Variants in CLMP observed in about 807,000 individuals in gnomAD.
The protein encoded by CLMP is CXADR-like membrane protein.
Under a neutral mutation model 45.2 loss-of-function variants are expected in CLMP, and 27 were observed. That is an observed-to-expected ratio of 0.60 (90% CI 0.44 to 0.82). The LOEUF (loss-of-function observed/expected upper bound fraction) is 0.82, where lower values mean the gene tolerates loss of function less well. CLMP is among the 40% of genes least tolerant of loss of function. The pLI is 0.00. For synonymous variants in CLMP, 167 were observed against 171.4 expected (o/e 0.97, Z 0.20); for missense variants, 403 against 448.4 (o/e 0.90, Z 0.91).
chr11:123,183,965 C>T (rs1861801410), intron 1 of CLMP, among the ~76,000 whole-genome samples: 1 of 152,044 alleles, frequency 6.6e-6, no homozygotes, highest in Non-Finnish European at 1.5e-5. Flanking sequence ...GTGGTAACAC[C>T]AGAAAAATTT....
chr11:123,172,793 A>AT (rs1253722260), intron 1 of CLMP, among the ~76,000 whole-genome samples: 1 of 152,144 alleles, frequency 6.6e-6, no homozygotes, highest in Non-Finnish European at 1.5e-5. Context: ...GCCAATAAAC[A>AT]TTTTTTTACA....
chr11:123,106,418 TGTGTGTGCGCGCGCGC>T (rs1177051192), intron 1 of CLMP, among the ~76,000 whole-genome samples: 84 of 103,370 alleles, frequency 8.1e-4, no homozygotes, highest in African/African-American at 2.2e-3. Context: ...TGTGTGTGTG[TGTGTGTGCGCGCGCGC>T]GCGCGCACGT....
At chr11:123,170,549 C>T (rs1861618006) in intron 1 of CLMP, among the ~76,000 whole-genome samples, 1 of 151,520 alleles carries the variant, frequency 6.6e-6, no homozygotes, top group African/African-American at 2.4e-5. Flanking sequence ...AAGTGATTCT[C>T]CTGCCTCTGC....
At chr11:123,169,697 C>T (rs1052707495) in intron 1 of CLMP, among the ~76,000 whole-genome samples, 12 of 152,212 alleles carry the variant, frequency 7.9e-5, no homozygotes, top group Non-Finnish European at 1.3e-4. Flanking sequence ...CATAACACAG[C>T]TCTCAGGAGA....
At chr11:123,127,130 T>C (rs1860907131) in intron 1 of CLMP, among the ~76,000 whole-genome samples, 1 of 152,142 alleles carries the variant, frequency 6.6e-6, no homozygotes, top group East Asian at 1.9e-4. Context: ...CTTTTCTTTC[T>C]TGTTTTTTTG....
chr11:123,178,400 TC>T (rs1861727232), intron 1 of CLMP, among the ~76,000 whole-genome samples: 1 of 152,192 alleles, frequency 6.6e-6, no homozygotes, highest in Admixed American at 6.5e-5. Flanking sequence ...TTGCCTTCAT[TC>T]CATTCCTTCA....
chr11:123,089,649 C>A (rs1251942244), intron 2 of CLMP, among the ~76,000 whole-genome samples: 1 of 150,644 alleles, frequency 6.6e-6, no homozygotes, highest in Admixed American at 6.6e-5. Context: ...TGGTGGCGGG[C>A]GCCCGTAGTT....
chr11:123,086,402 G>C (rs1865865694), intron 2 of CLMP, among the ~76,000 whole-genome samples: 1 of 152,188 alleles, frequency 6.6e-6, no homozygotes, highest in African/African-American at 2.4e-5. Context: ...CTACACAGAA[G>C]GGCACTAAAA....
intron 1 of CLMP, among the ~76,000 whole-genome samples, chr11:123,106,217 G>A (rs777106551): frequency 5.3e-5 from 8 of 151,818 alleles, no homozygotes; most frequent in African/African-American, 1.7e-4. Context: ...TCTTCTTCCA[G>A]TGTGGCTCAG....
At chr11:123,095,796 G>A (rs1865981355) in intron 2 of CLMP, among the ~76,000 whole-genome samples, 1 of 152,082 alleles carries the variant, frequency 6.6e-6, no homozygotes, top group South Asian at 2.1e-4. Context: ...GGCAGGATAG[G>A]GTAATAAGAT....
At chr11:123,173,456 G>A (rs1176634691) in intron 1 of CLMP, among the ~76,000 whole-genome samples, 1 of 152,224 alleles carries the variant, frequency 6.6e-6, no homozygotes, top group African/African-American at 2.4e-5. Flanking sequence ...ATACATGCCA[G>A]ATGGAAGTCT....
At chr11:123,162,398 A>G (rs1015158260) in intron 1 of CLMP, among the ~76,000 whole-genome samples, 1 of 152,224 alleles carries the variant, frequency 6.6e-6, no homozygotes, top group African/African-American at 2.4e-5. Context: ...ATGTTAAAAC[A>G]CATCCAAAAC....
chr11:123,075,770 AT>A (rs1455474872), intron 5 of CLMP, among the ~76,000 whole-genome samples: 2 of 152,038 alleles, frequency 1.3e-5, no homozygotes, highest in Non-Finnish European at 2.9e-5. Context: ...ATGTCTGAAG[AT>A]TTGTCTGCCT....
intron 1 of CLMP, among the ~76,000 whole-genome samples, chr11:123,145,454 T>G: frequency 2.8e-5 from 2 of 72,208 alleles, no homozygotes; most frequent in Non-Finnish European, 2.8e-5. Context: ...CTGCGGCTGT[T>G]TTTTTTTTTT....
At chr11:123,166,791 T>C (rs1861563367) in intron 1 of CLMP, among the ~76,000 whole-genome samples, 1 of 152,210 alleles carries the variant, frequency 6.6e-6, no homozygotes, top group Non-Finnish European at 1.5e-5. Flanking sequence ...TTGAATGTTC[T>C]CACCACAAGG....
intron 5 of CLMP, among the ~76,000 whole-genome samples, chr11:123,076,280 A>G (rs1865739521): frequency 6.6e-6 from 1 of 152,220 alleles, no homozygotes; most frequent in African/African-American, 2.4e-5. Flanking sequence ...GGTAAATACA[A>G]TTTGTAGTTT....
At chr11:123,091,917 A>G (rs1865936012) in intron 2 of CLMP, among the ~76,000 whole-genome samples, 1 of 152,160 alleles carries the variant, frequency 6.6e-6, no homozygotes, top group African/African-American at 2.4e-5. Flanking sequence ...AGTCTGGACC[A>G]TGCCTCATTT....
intron 1 of CLMP, among the ~76,000 whole-genome samples, chr11:123,153,727 G>C (rs1861372867): frequency 6.6e-6 from 1 of 152,034 alleles, no homozygotes; most frequent in Non-Finnish European, 1.5e-5. Context: ...TTGTCCCCCA[G>C]GCTGGAGTGC....
chr11:123,145,043 A>G (rs906258673), intron 1 of CLMP, among the ~76,000 whole-genome samples: 5 of 152,226 alleles, frequency 3.3e-5, no homozygotes, highest in African/African-American at 1.2e-4. Context: ...AAGACTTAGT[A>G]TAATAAAAAG....
Sources: gnomAD v4.1 joint callset for allele counts (sites outside exome capture counted in the v4.1 genomes callset) on GRCh38, gnomAD v4.1.1 for gene constraint, MANE v1.5 for transcripts, NCBI Gene and HGNC (gene_info 2026-07-23, HGNC 2026-07-21) for gene names.